Variants in PFKFB2 observed in about 807,000 individuals in gnomAD.
PFKFB2 encodes the protein 6-phosphofructo-2-kinase/fructose-2,6-biphosphatase 2.
A neutral mutation model predicts 68.0 loss-of-function variants in PFKFB2; 53 were observed. That is an observed-to-expected ratio of 0.78 (90% CI 0.63 to 0.98). The LOEUF (loss-of-function observed/expected upper bound fraction) is 0.98. Ranked by LOEUF, PFKFB2 falls within the 50% of genes least tolerant of loss-of-function variation. The pLI is 0.00. For synonymous variants in PFKFB2, 222 were observed against 227.6 expected (o/e 0.98, Z 0.22); for missense variants, 451 against 642.0 (o/e 0.70, Z 3.22).
chr1:207,039,013 C>T (rs59574192), intron 1 of PFKFB2, among the ~76,000 whole-genome samples: 6,275 of 152,116 alleles, frequency 0.041, 417 homozygotes, highest in African/African-American at 0.14. Flanking sequence ...AACAATTTTC[C>T]GAGATAAGTT....
chr1:207,058,568 G>A (rs954596854), intron 2 of PFKFB2, among the ~76,000 whole-genome samples: 2 of 152,170 alleles, frequency 1.3e-5, no homozygotes, highest in African/African-American at 4.8e-5. Context: ...CCATTTACAC[G>A]AGGGAAGTTA....
At position 207,061,963 on chromosome 1, in the gene PFKFB2, C is replaced by T. The variant is rs751945805; in HGVS notation, c.96C>T (p.Ser32=). ...TTCATTTCCTTCTAGCATGGGCCTC[C>T]TACATGACCAACTCCCCGACTCTGA... ...RMSEKKCSWA[S]YMTNSPTLIV... Residue 32 remains serine (S), a synonymous_variant, in exon 3 of 15, where the codon TCC becomes TCT. Coordinates refer to ENST00000367080, the MANE Select transcript of PFKFB2 (RefSeq NM_006212.2). The T allele has an allele frequency of 6.2e-7, 1 of 1,614,066 alleles. No homozygotes were observed. Among genetic ancestry groups the T allele is most frequent in the Non-Finnish European group, 8.5e-7 (1 of 1,179,912 alleles).
downstream of PFKFB2, chr1:207,079,872 T>G (rs1023241268): frequency 6.6e-6 from 1 of 152,246 alleles, no homozygotes; most frequent in African/African-American, 2.4e-5. Context: ...AGGGAGTGTT[T>G]TGGCTTCAGA....
chr1:207,073,800 C>T lies in PFKFB2; in HGVS notation c.*1429C>T. The T allele has an allele frequency of 1.0e-6, 1 of 985,168 alleles. No individual in the cohort carries two copies. Among genetic ancestry groups the T allele is most frequent in the Non-Finnish European group, 1.2e-6 (1 of 829,728 alleles). 61.0% of individuals were successfully genotyped at this position (985,168 alleles called of 1,614,324 possible). On this transcript the variant is annotated 3_prime_UTR_variant, in exon 15 of 15. Coordinates refer to ENST00000367080, the MANE Select transcript of PFKFB2 (RefSeq NM_006212.2). The stretch of plus-strand genomic sequence containing the variant: ...GACCATGATGGCTTATTCTCTTTCC[C>T]AATTTTGCATGCAAAATGTACGAAT...
upstream of PFKFB2, chr1:207,049,808 C>G (rs1682692229): frequency 5.4e-6 from 7 of 1,292,664 alleles, no homozygotes; most frequent in South Asian, 4.5e-5. Context: ...AAATTACAAA[C>G]TGAAGGAGTT....
intron 8 of PFKFB2, among the ~76,000 whole-genome samples, chr1:207,066,956 T>C (rs184482841): frequency 5.3e-5 from 8 of 152,300 alleles, no homozygotes; most frequent in Admixed American, 5.2e-4. Flanking sequence ...CCAGCCACAC[T>C]TATGACTTTT....
intron 2 of PFKFB2, among the ~76,000 whole-genome samples, chr1:207,055,641 TTA>T (rs34590725): frequency 0.37 from 54,806 of 147,176 alleles, 10,134 homozygotes; most frequent in Middle Eastern, 0.46. Context: ...ACTTCAGTGG[TTA>T]TATATATATA....
At chr1:207,064,934 C>A in intron 7 of PFKFB2, 102 bp from the exon 8 acceptor site, 1 of 1,352,518 alleles carries the variant, frequency 7.4e-7, no homozygotes, top group African/African-American at 1.5e-5. Context: ...TGAAAGGCGA[C>A]ATTTATGGAC....
chr1:207,071,075 G>C, intron 12 of PFKFB2, 113 bp from the exon 13 acceptor site: 1 of 826,300 alleles, frequency 1.2e-6, no homozygotes, highest in Non-Finnish European at 2.1e-6. Context: ...AACTCTAAGA[G>C]GTGGTCAAAG....
chr1:207,049,516 C>G, upstream of PFKFB2: 3 of 1,614,130 alleles, frequency 1.9e-6, no homozygotes. Context: ...TGCTATGAGG[C>G]GTCTCATCTC....
chr1:207,035,876 T>C (rs1472929830), intron 1 of PFKFB2, among the ~76,000 whole-genome samples: 2 of 152,150 alleles, frequency 1.3e-5, no homozygotes, highest in Non-Finnish European at 2.9e-5. Context: ...GCGTACTCAG[T>C]ATACATTTAT....
chr1:207,058,520 A>G (rs576694331), intron 2 of PFKFB2, among the ~76,000 whole-genome samples: 2 of 152,360 alleles, frequency 1.3e-5, no homozygotes, highest in South Asian at 4.1e-4. Context: ...TTGTGGGACC[A>G]TGGGCAAAGC....
In PFKFB2 at chr1:207,068,150, T is replaced by G. The variant is rs2102273920; in HGVS notation, c.841-13T>G. ...TTTTCTTTTTACCCTTAATTTTCATTTTTAAACCCCAGTTTGCCCAAGCTC... is the reference window on the plus strand; with the variant it reads ...TTTTCTTTTTACCCTTAATTTTCATGTTTAAACCCCAGTTTGCCCAAGCTC... On this transcript the variant is annotated splice_polypyrimidine_tract_variant and intron_variant, in intron 9 of 14. Transcript: ENST00000367080. 1 of 1,601,678 alleles carries G rather than the reference T, an allele frequency of 6.2e-7. No individual in the cohort carries two copies. Among genetic ancestry groups the G allele is most frequent in the Non-Finnish European group, 8.5e-7 (1 of 1,174,808 alleles).
intron 8 of PFKFB2, among the ~76,000 whole-genome samples, chr1:207,065,721 T>C (rs1272739337): frequency 6.6e-6 from 1 of 152,216 alleles, no homozygotes; most frequent in East Asian, 1.9e-4. Context: ...CTCAGTATTA[T>C]TGGCACTTTG....
Position 207,070,169 on chromosome 1 carries a change from G to A in PFKFB2, c.1093-111G>A. ...TGTAAACTCACTGAGCCTCCAGGAG[G>A]AAAGCCAGCTGAGGAAGAAGAAGTG... On this transcript the variant is annotated intron_variant, in intron 11 of 14. Coordinates refer to ENST00000367080, the MANE Select transcript of PFKFB2 (RefSeq NM_006212.2). The surrounding 1 kb of genome is among the most constrained non-coding windows in gnomAD (Gnocchi z 4.2). The A allele has an allele frequency of 7.6e-7, 1 of 1,316,618 alleles. No individual in the cohort carries two copies. Among genetic ancestry groups the A allele is most frequent in the Non-Finnish European group, 1.1e-6 (1 of 950,680 alleles). 81.6% of individuals were successfully genotyped at this position (1,316,618 alleles called of 1,614,324 possible).
chr1:207,061,179 A>ATATCTT (rs1558059785), intron 2 of PFKFB2, among the ~76,000 whole-genome samples: 4 of 77,290 alleles, frequency 5.2e-5, no homozygotes, highest in Non-Finnish European at 8.2e-5. Flanking sequence ...ATATATATAT[A>ATATCTT]TATATATATA....
chr1:207,050,851 C>T (rs1682727600), upstream of PFKFB2: 3 of 1,612,666 alleles, frequency 1.9e-6, no homozygotes, highest in African/African-American at 4.0e-5. Flanking sequence ...ACAGCCCCTG[C>T]AAAACATGGG....
downstream of PFKFB2, chr1:207,079,108 A>C (rs1467085714): frequency 6.9e-6 from 8 of 1,163,262 alleles, no homozygotes; most frequent in East Asian, 9.4e-5. Context: ...TAGAACAGGA[A>C]GTTAAGTGGG....
At chr1:207,049,344 T>C, upstream of PFKFB2, 1 of 1,614,184 alleles carries the variant, frequency 6.2e-7, no homozygotes, top group Non-Finnish European at 8.5e-7. Flanking sequence ...TTACTGTCTG[T>C]GTATCCACTA....
Sources: allele counts gnomAD v4.1 joint callset (sites outside exome capture counted in the v4.1 genomes callset), GRCh38; gene constraint gnomAD v4.1.1; non-coding constraint Gnocchi (gnomAD v3.1); transcripts MANE v1.5; gene names NCBI Gene and HGNC (gene_info 2026-07-23, HGNC 2026-07-21).